TNS3: variants seen among roughly 807,000 people sequenced by gnomAD.
TNS3 encodes the protein tensin 3.
In TNS3, 45 loss-of-function variants were observed where a neutral mutation model predicts 140.9. The ratio of observed to expected loss-of-function variants is 0.32; its 90% CI spans 0.25 to 0.41. The LOEUF is 0.41. TNS3 is among the 10% of genes least tolerant of loss of function. The pLI, the probability that TNS3 is intolerant of heterozygous loss-of-function variation, is 1.00. For missense variants in TNS3, 1,716 were observed against 1,906.7 expected, an observed-to-expected ratio of 0.90 and a Z score of 1.86; for synonymous variants, 815 against 788.4, an observed-to-expected ratio of 1.03 and a Z score of -0.56.
intron 1 of TNS3, among the ~76,000 whole-genome samples, chr7:47,564,193 C>CA (rs57005793): frequency 0.35 from 33,977 of 97,920 alleles, 5,473 homozygotes; most frequent in East Asian, 0.4. Context: ...GACTCTGTCT[C>CA]AAAAAAAAAA....
intron 8 of TNS3, among the ~76,000 whole-genome samples, chr7:47,430,773 T>A (rs754740816): frequency 6.6e-6 from 1 of 151,538 alleles, no homozygotes; most frequent in African/African-American, 2.4e-5. Flanking sequence ...CAGGTTAGAG[T>A]GCAGTGGCAT....
intron 1 of TNS3, among the ~76,000 whole-genome samples, chr7:47,563,401 T>G (rs2152001586): frequency 6.6e-6 from 1 of 152,332 alleles, no homozygotes; most frequent in East Asian, 1.9e-4. Flanking sequence ...TCACCAGTTT[T>G]GGTAGAAAAG....
intron 2 of TNS3, among the ~76,000 whole-genome samples, chr7:47,515,277 A>G (rs1472348134): frequency 6.6e-6 from 1 of 152,210 alleles, no homozygotes; most frequent in Non-Finnish European, 1.5e-5. Flanking sequence ...AACGGTAGAA[A>G]TACTGGCCTG....
At position 47,303,486 on chromosome 7, in the gene TNS3, T is replaced by C; in HGVS notation, c.2921A>G (p.Glu974Gly). The change falls in exon 22 of 31, where the codon GAG becomes GGG. Residue 974 changes from glutamate (E) to glycine (G), a missense_variant. Coordinates refer to ENST00000311160, the MANE Select transcript of TNS3 (RefSeq NM_022748.12). ...GGAGTCCTTCCTGGTACCGGAGAAC[T>C]CAGCGCTGAGGGGACTTCCGGTGGG... ...GRPTGSPLSA[E>G]FSGTRKDSPV... 1 of 1,610,790 alleles carries C rather than the reference T, an allele frequency of 6.2e-7. No individual in the cohort carries two copies.
chr7:47,311,179 C>T (rs1787068623), intron 20 of TNS3, among the ~76,000 whole-genome samples: 4 of 152,168 alleles, frequency 2.6e-5, no homozygotes, highest in Admixed American at 1.3e-4. Flanking sequence ...TTTACAGTCC[C>T]ACCAACAGTG....
intron 1 of TNS3, among the ~76,000 whole-genome samples, chr7:47,544,834 G>T (rs1799878146): frequency 6.6e-6 from 1 of 151,922 alleles, no homozygotes; most frequent in Non-Finnish European, 1.5e-5. Context: ...GAGAACATAG[G>T]AAACTGTCTA....
At chr7:47,492,446 C>G (rs1472578441) in intron 3 of TNS3, among the ~76,000 whole-genome samples, 1 of 152,238 alleles carries the variant, frequency 6.6e-6, no homozygotes. Context: ...CCAACATAGT[C>G]CAGGCTCAAC....
chr7:47,371,139 GAGGA>G (rs1791051341), intron 16 of TNS3, among the ~76,000 whole-genome samples: 1 of 152,176 alleles, frequency 6.6e-6, no homozygotes, highest in African/African-American at 2.4e-5. Context: ...AAGCCTAGGG[GAGGA>G]AGGGTCTGGG....
Position 47,400,386 on chromosome 7 carries a change from T to C in TNS3, c.919+7A>G. 1 of 1,613,940 alleles carries C rather than the reference T, an allele frequency of 6.2e-7. No individual in the cohort carries two copies. Among genetic ancestry groups the C allele is most frequent in the Non-Finnish European group, 8.5e-7 (1 of 1,179,828 alleles). On this transcript the variant is annotated splice_region_variant and intron_variant, in intron 15 of 30. Coordinates refer to ENST00000311160, the MANE Select transcript of TNS3 (RefSeq NM_022748.12). ...AGGACCACCCAGTATTCCACCAAGC[T>C]ACCCACCTTGAATCTTCTCAGGCGT...
chr7:47,308,327 C>A (rs890489536), intron 20 of TNS3, among the ~76,000 whole-genome samples: 7 of 152,100 alleles, frequency 4.6e-5, no homozygotes, highest in Non-Finnish European at 1.0e-4. Context: ...TGGTTTGGGT[C>A]TTTTTATATG....
intron 1 of TNS3, among the ~76,000 whole-genome samples, chr7:47,553,687 C>T (rs1406571640): frequency 1.3e-5 from 2 of 152,224 alleles, no homozygotes; most frequent in Non-Finnish European, 2.9e-5. Flanking sequence ...CATGCAGCAA[C>T]TCTGACAGAG....
At chr7:47,306,466 A>G (rs1004828122) in intron 20 of TNS3, among the ~76,000 whole-genome samples, 3 of 152,272 alleles carry the variant, frequency 2.0e-5, no homozygotes, top group African/African-American at 7.2e-5. Flanking sequence ...ATTATATGGT[A>G]TCCCCACATA....
intron 4 of TNS3, among the ~76,000 whole-genome samples, chr7:47,479,959 G>GT (rs1389888060): frequency 3.3e-5 from 5 of 152,160 alleles, no homozygotes; most frequent in Admixed American, 1.3e-4. Context: ...CGCCCACTGG[G>GT]TAAAGGAGGA....
intron 4 of TNS3, among the ~76,000 whole-genome samples, chr7:47,463,664 A>G (rs2151702566): frequency 6.6e-6 from 1 of 152,264 alleles, no homozygotes; most frequent in Admixed American, 6.5e-5. Flanking sequence ...CACTAAATAG[A>G]CTGTGGAAAG....
intron 8 of TNS3, among the ~76,000 whole-genome samples, chr7:47,429,383 G>T (rs1321157994): frequency 1.0e-4 from 14 of 135,472 alleles, no homozygotes; most frequent in African/African-American, 2.8e-4. Flanking sequence ...TTTTTTTTTT[G>T]GAGACGGAGT....
chr7:47,566,878 A>G lies in TNS3; in HGVS notation c.-265+15173T>C, dbSNP rs1800440489. Among the ~76,000 whole-genome samples the G allele has an allele frequency of 2.0e-5, 3 of 152,150 alleles. No homozygotes were observed. In the South Asian group the frequency reaches 6.2e-4, roughly 32 times the overall value. ...AACATGGTGAAACCCCGTCTCTACT[A>G]ACAATACAGAAAATCAGCTGGACGT... On this transcript the variant is annotated intron_variant, in intron 1 of 30. Transcript: ENST00000311160.
chr7:47,564,653 A>AAAAC (rs1554357813), intron 1 of TNS3, among the ~76,000 whole-genome samples: 1 of 136,222 alleles, frequency 7.3e-6, no homozygotes, highest in African/African-American at 2.7e-5. Context: ...AAAAAAACAA[A>AAAAC]AAAAAACAAA....
At chr7:47,437,682 C>T (rs1465105538) in intron 6 of TNS3, among the ~76,000 whole-genome samples, 1 of 147,110 alleles carries the variant, frequency 6.8e-6, no homozygotes, top group Non-Finnish European at 1.5e-5. Context: ...TTAAACCAGG[C>T]GATTTACTGT....
intron 3 of TNS3, chr7:47,481,772 C>T: frequency 1.1e-6 from 1 of 928,384 alleles, no homozygotes; most frequent in South Asian, 5.0e-5. Flanking sequence ...GTGGCTCAAA[C>T]ACAGTCAGGA....
Sources: allele counts gnomAD v4.1 joint callset (sites outside exome capture counted in the v4.1 genomes callset), GRCh38; gene constraint gnomAD v4.1.1; transcripts MANE v1.5; gene names NCBI Gene and HGNC (gene_info 2026-07-23, HGNC 2026-07-21).